The following ACVR2A variants were observed in gnomAD, a reference collection of about 807,000 sequenced individuals.
ACVR2A encodes the protein activin A receptor type 2A.
In ACVR2A, 7 loss-of-function variants were observed where a neutral mutation model predicts 61.4. That is an observed-to-expected ratio of 0.11 (90% CI 0.06 to 0.21). The LOEUF (loss-of-function observed/expected upper bound fraction) is 0.21, where lower values mean the gene tolerates loss of function less well. Ranked by LOEUF, ACVR2A falls within the 10% of genes least tolerant of loss-of-function variation. The pLI, the probability that ACVR2A is intolerant of heterozygous loss-of-function variation, is 1.00. For synonymous variants in ACVR2A, 193 were observed against 208.3 expected, an observed-to-expected ratio of 0.93 and a Z score of 0.63; for missense variants, 322 against 621.7, an observed-to-expected ratio of 0.52 and a Z score of 5.13.
intron 1 of ACVR2A, among the ~76,000 whole-genome samples, chr2:147,848,582 G>A (rs1458927375): frequency 6.6e-6 from 1 of 152,110 alleles, no homozygotes; most frequent in Admixed American, 6.5e-5. Context: ...AATACCACAT[G>A]TTCCTATAAG....
intron 1 of ACVR2A, among the ~76,000 whole-genome samples, chr2:147,888,709 C>T (rs1395863158): frequency 6.8e-6 from 1 of 147,168 alleles, no homozygotes; most frequent in African/African-American, 2.5e-5. Flanking sequence ...AAGATTCCTT[C>T]GGAATTCCTC....
At chr2:147,851,897 G>T (rs1685458296) in intron 1 of ACVR2A, among the ~76,000 whole-genome samples, 1 of 151,986 alleles carries the variant, frequency 6.6e-6, no homozygotes, top group Non-Finnish European at 1.5e-5. Context: ...TCACTTCTCT[G>T]AGCCACGGTT....
At chr2:147,881,525 T>C (rs151061025) in intron 1 of ACVR2A, among the ~76,000 whole-genome samples, 508 of 151,674 alleles carry the variant, frequency 3.3e-3, no homozygotes, top group East Asian at 8.0e-3. Context: ...GAAAACATTA[T>C]AATGGATGTC....
At chr2:147,875,999 CAG>C (rs999748906) in intron 1 of ACVR2A, among the ~76,000 whole-genome samples, 1 of 152,030 alleles carries the variant, frequency 6.6e-6, no homozygotes, top group African/African-American at 2.4e-5. Context: ...GCAAAATAAA[CAG>C]GGAAGCAGAA....
At chr2:147,907,153 C>T (rs780942960) in intron 4 of ACVR2A, among the ~76,000 whole-genome samples, 56 of 152,244 alleles carry the variant, frequency 3.7e-4, no homozygotes, top group Non-Finnish European at 6.5e-4. Flanking sequence ...ATCCATGTCC[C>T]TGCAAAGGAC....
At chr2:147,923,318 C>G (rs1315388050) in intron 9 of ACVR2A, among the ~76,000 whole-genome samples, 1 of 151,886 alleles carries the variant, frequency 6.6e-6, no homozygotes, top group Non-Finnish European at 1.5e-5. Flanking sequence ...CCATTACTAG[C>G]TATGTTGCTG....
At chr2:147,896,697 TA>T in intron 2 of ACVR2A, 189 bp downstream of exon 2, 1 of 562,912 alleles carries the variant, frequency 1.8e-6, no homozygotes, top group East Asian at 3.0e-5. Context: ...ATGGCATATA[TA>T]TGTTTTATCT....
At chr2:147,875,956 A>G (rs1686143284) in intron 1 of ACVR2A, among the ~76,000 whole-genome samples, 1 of 152,180 alleles carries the variant, frequency 6.6e-6, no homozygotes, top group South Asian at 2.1e-4. Flanking sequence ...TAGAAACATT[A>G]CCATCCATTA....
chr2:147,899,198 A>G (rs1005664634), intron 2 of ACVR2A, among the ~76,000 whole-genome samples: 3 of 152,168 alleles, frequency 2.0e-5, no homozygotes, highest in African/African-American at 7.2e-5. Context: ...TAGGTTGCTC[A>G]TTAAAAACCA....
At position 147,889,549 on chromosome 2, in the gene ACVR2A, C is replaced by G. The variant is rs573707662; in HGVS notation, c.56-6752C>G. ...CACAAGGTCAGGAGATTGAGACCAT[C>G]CTGTCTAACACGGTGAAACCCTGTT... On this transcript the variant is annotated intron_variant, in intron 1 of 10. Coordinates refer to ENST00000241416, the MANE Select transcript of ACVR2A (RefSeq NM_001616.5). 1.8e-4 allele frequency among the ~76,000 whole-genome samples: 27 copies of G among 151,962 alleles called. 1 individual carries two copies. Among genetic ancestry groups the G allele is most frequent in the Middle Eastern group, 6.8e-3 (2 of 294 alleles).
rs1291568531 is a variant in ACVR2A at position 147,858,894 on chromosome 2, AT to A, written c.55+13695del. On this transcript the variant is annotated intron_variant, in intron 1 of 10. Transcript: ENST00000241416. ...TGTGTCACAGAGTATTATTATTTTGATTTTTTTTCAACCATTTAAAAATGTA... is the reference window on the plus strand; with the variant it reads ...TGTGTCACAGAGTATTATTATTTTGATTTTTTTCAACCATTTAAAAATGTA... Among the ~76,000 whole-genome samples, 22 of 151,868 alleles carry A rather than the reference AT, an allele frequency of 1.4e-4. No individual in the cohort carries two copies. In the South Asian group the frequency reaches 3.7e-3, roughly 26 times the overall value.
intron 4 of ACVR2A, among the ~76,000 whole-genome samples, chr2:147,909,880 A>AG (rs1687074711): frequency 6.6e-6 from 1 of 152,016 alleles, no homozygotes; most frequent in Non-Finnish European, 1.5e-5. Flanking sequence ...GAGCTCAAAG[A>AG]TCCTCCTGCC....
At chr2:147,876,255 C>T (rs1686151449) in intron 1 of ACVR2A, among the ~76,000 whole-genome samples, 2 of 152,024 alleles carry the variant, frequency 1.3e-5, no homozygotes, top group Admixed American at 6.6e-5. Context: ...TAATTTGTCT[C>T]ACTTTTTTGG....
chr2:147,898,827 C>T (rs1686805839), intron 2 of ACVR2A, among the ~76,000 whole-genome samples: 3 of 152,010 alleles, frequency 2.0e-5, no homozygotes, highest in Middle Eastern at 3.4e-3. Flanking sequence ...TTATTGTTTA[C>T]GTGTTTGTTT....
At position 147,929,366 on chromosome 2, in the gene ACVR2A, T is replaced by C. The variant is rs931603278; in HGVS notation, c.*2092T>C. 6 of 133,612 alleles carry C rather than the reference T, an allele frequency of 4.5e-5. No individual in the cohort carries two copies. Among genetic ancestry groups the C allele is most frequent in the African/African-American group, 1.7e-4 (6 of 36,286 alleles). The allele number at this position is 133,612 out of a possible 1,614,324, so 8.3% of individuals were successfully genotyped here. ...TCTACCTGTTGTGAACATTTAACTTTCTTTTTAAAAGTTAAACAAAAATAA... is the reference window on the plus strand; with the variant it reads ...TCTACCTGTTGTGAACATTTAACTTCCTTTTTAAAAGTTAAACAAAAATAA... On this transcript the variant is annotated 3_prime_UTR_variant, in exon 11 of 11. Transcript: ENST00000241416.
At chr2:147,904,818 T>G (rs1449929273) in intron 4 of ACVR2A, among the ~76,000 whole-genome samples, 2 of 152,060 alleles carry the variant, frequency 1.3e-5, no homozygotes, top group Admixed American at 6.6e-5. Context: ...CAAGTTAATT[T>G]AGAAGAGTAT....
chr2:147,892,023 G>A (rs918627225), intron 1 of ACVR2A, among the ~76,000 whole-genome samples: 3 of 151,910 alleles, frequency 2.0e-5, no homozygotes, highest in South Asian at 2.1e-4. Flanking sequence ...CCAGGCTGGC[G>A]TGCAGTGGTA....
chr2:147,844,975 CTTTTTTTT>C (rs879026054), upstream of ACVR2A: 8 of 127,122 alleles, frequency 6.3e-5, no homozygotes, highest in African/African-American at 1.9e-4. Context: ...TCTTTTTTTT[CTTTTTTTT>C]TTTTAACCCA....
chr2:147,853,339 C>G (rs114332322), intron 1 of ACVR2A, among the ~76,000 whole-genome samples: 220 of 152,082 alleles, frequency 1.4e-3, no homozygotes, highest in Non-Finnish European at 2.6e-3. Context: ...ATTAGTGGCT[C>G]AATATGTTGT....
Sources: allele counts gnomAD v4.1 joint callset (sites outside exome capture counted in the v4.1 genomes callset), GRCh38; gene constraint gnomAD v4.1.1; transcripts MANE v1.5; gene names NCBI Gene and HGNC (gene_info 2026-07-23, HGNC 2026-07-21).